The following NISCH variants were observed in gnomAD, a reference collection of about 807,000 sequenced individuals.
The protein encoded by NISCH is nischarin, also known as I-1 receptor candidate protein.
NISCH carries 55 observed loss-of-function variants against 138.4 expected under a neutral mutation model. The ratio of observed to expected loss-of-function variants is 0.40; its 90% CI spans 0.32 to 0.50. NISCH has a LOEUF of 0.50. Among genes scored for constraint, NISCH ranks in the 20% least tolerant of loss-of-function variants. The pLI is 0.71. For synonymous variants in NISCH, 860 were observed against 861.5 expected, an observed-to-expected ratio of 1.00 and a Z score of 0.03; for missense variants, 1,643 against 2,005.5, an observed-to-expected ratio of 0.82 and a Z score of 3.45.
intron 8 of NISCH, 49 bp downstream of exon 8, chr3:52,476,648 C>T: frequency 6.3e-7 from 1 of 1,597,622 alleles, no homozygotes; most frequent in Non-Finnish European, 8.6e-7. Flanking sequence ...CCCACCAAAC[C>T]CTGAGTTTGA....
rs1707128429 is a variant in NISCH at position 52,477,423 on chromosome 3, C to T, written c.919-151C>T. ...TTTGGATGTGCTACTGGCTGGGCAG[C>T]GGGAGATGTCCCACCAGTGGTCCTG... On this transcript the variant is annotated intron_variant, in intron 8 of 20. Transcript: ENST00000345716. 9.5e-6 allele frequency: 6 copies of T among 630,534 alleles called. No homozygotes were observed. The East Asian group carries it at 1.1e-4, about 12-fold the overall frequency. 39.1% of individuals were successfully genotyped at this position (630,534 alleles called of 1,614,324 possible).
At chr3:52,480,563 G>T in intron 13 of NISCH, 1 of 1,450,874 alleles carries the variant, frequency 6.9e-7, no homozygotes, top group Non-Finnish European at 9.0e-7. Flanking sequence ...GTGTCTGACA[G>T]GCCCTGAGGC....
chr3:52,481,125 G>A, intron 13 of NISCH: 3 of 1,282,722 alleles, frequency 2.3e-6, no homozygotes, highest in Non-Finnish European at 3.0e-6. Flanking sequence ...CCCACTGGTG[G>A]GGATTTTCTC....
chr3:52,472,116 C>T, intron 5 of NISCH, 139 bp downstream of exon 5: 1 of 1,071,432 alleles, frequency 9.3e-7, no homozygotes, highest in South Asian at 1.6e-5. Flanking sequence ...ATTCTTGGCA[C>T]TATGCTTCTG....
intron 3 of NISCH, among the ~76,000 whole-genome samples, chr3:52,467,466 T>G (rs1706818332): frequency 6.6e-6 from 1 of 152,158 alleles, no homozygotes; most frequent in South Asian, 2.1e-4. Context: ...CCTTTACTCA[T>G]GAGCCCACCG....
At chr3:52,479,725 A>G in intron 11 of NISCH, 24 bp from the exon 12 acceptor site, 1 of 1,570,128 alleles carries the variant, frequency 6.4e-7, no homozygotes, top group Non-Finnish European at 8.7e-7. Flanking sequence ...CCCCATGCTG[A>G]TAGCCACTTT....
chr3:52,483,071 G>C (rs1245488975), intron 13 of NISCH, among the ~76,000 whole-genome samples: 4 of 152,214 alleles, frequency 2.6e-5, no homozygotes, highest in Non-Finnish European at 4.4e-5. Context: ...GCAGGCAGAG[G>C]GTGGATTGCA....
In NISCH at chr3:52,490,872, G is replaced by T. The variant is rs775265034; in HGVS notation, c.3742+39G>T. 5.0e-6 allele frequency: 8 copies of T among 1,611,208 alleles called. No individual in the cohort carries two copies. In the Admixed American group the frequency reaches 1.2e-4, roughly 24 times the overall value. On this transcript the variant is annotated intron_variant, in intron 19 of 20. Coordinates refer to ENST00000345716, the MANE Select transcript of NISCH (RefSeq NM_007184.4). ...TGTGCTTTGTCCTATTTCGGGTGAA[G>T]GCCAGCATCACCAGTGGGCTTCCAC...
intron 3 of NISCH, among the ~76,000 whole-genome samples, chr3:52,466,045 A>G (rs1293353201): frequency 6.6e-6 from 1 of 152,246 alleles, no homozygotes; most frequent in Non-Finnish European, 1.5e-5. Context: ...GAACTGTTAC[A>G]ATCTTAGCAT....
chr3:52,491,729 T>A, intron 20 of NISCH, 143 bp from the exon 21 acceptor site: 1 of 1,195,730 alleles, frequency 8.4e-7, no homozygotes, highest in East Asian at 2.4e-5. Flanking sequence ...TGCTTTGGGC[T>A]CCTGGCCTGT....
At position 52,485,811 on chromosome 3, in the gene NISCH, G is replaced by A; in HGVS notation, c.1687G>A (p.Ala563Thr). Reference sequence around the variant, plus strand: ...CGATGATTTAAGGGACGTGCCAGGAGCTGTTGGTGGTGCAAGGTAAGGAAG... The same window carrying A: ...CGATGATTTAAGGGACGTGCCAGGAACTGTTGGTGGTGCAAGGTAAGGAAG... ...ASDDLRDVPG[A>T]VGGASPEHAE... The change falls in exon 15 of 21, where the codon GCT becomes ACT. Residue 563 changes from alanine (A) to threonine (T), a missense_variant. Physicochemically the swap from Ala to Thr is moderately conservative, Grantham distance 58. Coordinates refer to ENST00000345716, the MANE Select transcript of NISCH (RefSeq NM_007184.4). 1 of 1,580,984 alleles carries A rather than the reference G, an allele frequency of 6.3e-7. No individual in the cohort carries two copies. Among genetic ancestry groups the A allele is most frequent in the Non-Finnish European group, 8.6e-7 (1 of 1,161,894 alleles).
intron 13 of NISCH, among the ~76,000 whole-genome samples, chr3:52,483,836 A>G (rs1032641978): frequency 1.3e-5 from 2 of 152,208 alleles, no homozygotes; most frequent in African/African-American, 4.8e-5. Context: ...CAGGCTCTTG[A>G]TGGATGTACC....
At chr3:52,476,420 G>C (rs1426184266) in intron 7 of NISCH, 27 bp from the exon 8 acceptor site, 2 of 1,611,760 alleles carry the variant, frequency 1.2e-6, no homozygotes, top group Non-Finnish European at 1.7e-6. Flanking sequence ...CCCGAGTGTG[G>C]TGCTCCACAC....
intron 2 of NISCH, 119 bp from the exon 3 acceptor site, chr3:52,458,543 T>C: frequency 1.3e-6 from 1 of 762,614 alleles, no homozygotes; most frequent in Non-Finnish European, 2.2e-6. Context: ...ATTTTGGTAC[T>C]ACTGCAGGGA....
chr3:52,480,567 C>T (rs1707244029), intron 13 of NISCH: 1 of 1,449,628 alleles, frequency 6.9e-7, no homozygotes, highest in African/African-American at 1.4e-5. Context: ...CTGACAGGCC[C>T]TGAGGCTGCC....
In NISCH at chr3:52,492,465, G is replaced by C. The variant is rs1196652118; in HGVS notation, c.4498G>C (p.Val1500Leu). The C allele has an allele frequency of 6.2e-6, 10 of 1,604,238 alleles. No homozygotes were observed. The highest frequency in any genetic ancestry group is 1.1e-5 in the South Asian group (1 of 90,114). The change falls in exon 21 of 21, where the codon GTC becomes CTC. Residue 1500 changes from valine to leucine, a missense_variant. Transcript: ENST00000345716. The part of the protein sequence containing the change: ...WEALCGRELP[V>L]ELTG ...GGCCCTGTGTGGCCGTGAGCTGCCTGTCGAGCTCACCGGCTAGCCCAGGCC... is the reference window on the plus strand; with the variant it reads ...GGCCCTGTGTGGCCGTGAGCTGCCTCTCGAGCTCACCGGCTAGCCCAGGCC...
chr3:52,459,608 A>G (rs1301452595), intron 3 of NISCH, among the ~76,000 whole-genome samples: 3 of 151,708 alleles, frequency 2.0e-5, no homozygotes, highest in Non-Finnish European at 4.4e-5. Flanking sequence ...TAATTTTTGT[A>G]TTTTTAGTAG....
Position 52,490,938 on chromosome 3 carries a change from T to G in NISCH, c.3742+105T>G, listed in dbSNP as rs1707545364. ...GGGTTATCATAGACAGTTATCTCTG[T>G]GCTCAAGAGCCACTTCTTAACCGGG... is the stretch of plus-strand genomic sequence containing the variant. On this transcript the variant is annotated intron_variant, in intron 19 of 20. Transcript: ENST00000345716. 4 of 1,481,220 alleles carry G rather than the reference T, an allele frequency of 2.7e-6. No homozygotes were observed. The Admixed American group carries it at 7.7e-5, about 28-fold the overall frequency. 91.8% of individuals were successfully genotyped at this position (1,481,220 alleles called of 1,614,324 possible).
intron 8 of NISCH, among the ~76,000 whole-genome samples, chr3:52,477,243 G>A (rs1707122444): frequency 6.6e-6 from 1 of 152,210 alleles, no homozygotes. Flanking sequence ...CAGTAAGAGT[G>A]TCGTTCCCGT....
Sources: allele counts gnomAD v4.1 joint callset (sites outside exome capture counted in the v4.1 genomes callset), GRCh38; gene constraint gnomAD v4.1.1; transcripts MANE v1.5; gene names NCBI Gene and HGNC (gene_info 2026-07-23, HGNC 2026-07-21).